The following AOPEP variants were observed in gnomAD, a reference collection of about 807,000 sequenced individuals.
AOPEP encodes the protein aminopeptidase O (putative).
A neutral mutation model predicts 98.1 loss-of-function variants in AOPEP; 77 were observed. The ratio of observed to expected loss-of-function variants is 0.78; its 90% confidence interval spans 0.65 to 0.95. The LOEUF (loss-of-function observed/expected upper bound fraction) is 0.95. AOPEP is among the 40% of genes least tolerant of loss of function. The pLI is 0.00. For missense variants in AOPEP, 1,024 were observed against 1,024.7 expected, an observed-to-expected ratio of 1.00 and a Z score of 0.01; for synonymous variants, 346 against 365.3, an observed-to-expected ratio of 0.95 and a Z score of 0.60.
intron 14 of AOPEP, among the ~76,000 whole-genome samples, chr9:95,063,142 G>A (rs542478544): frequency 1.2e-4 from 18 of 152,194 alleles, no homozygotes; most frequent in Non-Finnish European, 2.2e-4. Flanking sequence ...AGGGAAATCC[G>A]TTCCACAGAA....
intron 5 of AOPEP, among the ~76,000 whole-genome samples, chr9:94,804,170 T>C (rs1248237881): frequency 6.6e-6 from 1 of 152,204 alleles, no homozygotes; most frequent in Non-Finnish European, 1.5e-5. Flanking sequence ...CTCTCTGTTA[T>C]AACAGCAGTA....
chr9:95,085,376 A>C, intron 16 of AOPEP: 1 of 498,134 alleles, frequency 2.0e-6, no homozygotes. Flanking sequence ...TCTTCTTTGG[A>C]AACAAAAGAA....
chr9:95,148,029 A>G, the AOPEP span, among the ~76,000 whole-genome samples: 4 of 152,340 alleles, frequency 2.6e-5, no homozygotes, highest in East Asian at 7.7e-4. Context: ...CTGATAGCGC[A>G]AAAGCAACAG....
chr9:94,744,124 G>A (rs1385275869), intron 1 of AOPEP, among the ~76,000 whole-genome samples: 2 of 148,706 alleles, frequency 1.3e-5, no homozygotes, highest in Non-Finnish European at 2.9e-5. Flanking sequence ...GCTGTGCGCG[G>A]TGGCTTATGC....
At chr9:95,009,074 T>C (rs2062274205) in intron 13 of AOPEP, among the ~76,000 whole-genome samples, 2 of 152,220 alleles carry the variant, frequency 1.3e-5, no homozygotes, top group Admixed American at 1.3e-4. Context: ...GAAGAACAAT[T>C]AGGATGATTG....
At chr9:95,024,119 C>T (rs1181205941) in intron 13 of AOPEP, among the ~76,000 whole-genome samples, 2 of 152,104 alleles carry the variant, frequency 1.3e-5, no homozygotes, top group Non-Finnish European at 2.9e-5. Flanking sequence ...GGTTTTATGT[C>T]GGATAATTTT....
intron 11 of AOPEP, among the ~76,000 whole-genome samples, chr9:94,984,555 A>T (rs1225796574): frequency 6.6e-6 from 1 of 152,186 alleles, no homozygotes; most frequent in Admixed American, 6.6e-5. Flanking sequence ...ATGGAGGTAA[A>T]TATTTCATCA....
intron 5 of AOPEP, among the ~76,000 whole-genome samples, chr9:94,908,516 T>C (rs1419948472): frequency 6.6e-6 from 1 of 152,206 alleles, no homozygotes; most frequent in African/African-American, 2.4e-5. Flanking sequence ...ATTTGTGGGA[T>C]GTTTGCTGCG....
At chr9:94,744,516 C>A (rs914636669) in intron 1 of AOPEP, among the ~76,000 whole-genome samples, 8 of 151,846 alleles carry the variant, frequency 5.3e-5, no homozygotes, top group Admixed American at 5.2e-4. Flanking sequence ...GCCTGACCAA[C>A]ATGGAGAAAC....
At chr9:95,048,823 C>G (rs778239093) in intron 13 of AOPEP, 1 of 152,180 alleles carries the variant, frequency 6.6e-6, no homozygotes. Context: ...ATTTACCAGG[C>G]CTTCAAATCA....
At chr9:94,846,490 C>T (rs1047433940) in intron 5 of AOPEP, among the ~76,000 whole-genome samples, 3 of 152,080 alleles carry the variant, frequency 2.0e-5, no homozygotes, top group African/African-American at 7.2e-5. Flanking sequence ...TTCAGGGAGT[C>T]CTACTGTAAA....
intron 14 of AOPEP, among the ~76,000 whole-genome samples, chr9:95,068,939 C>T (rs2068196609): frequency 6.6e-6 from 1 of 152,094 alleles, no homozygotes; most frequent in Non-Finnish European, 1.5e-5. Flanking sequence ...TTTTAGGCCT[C>T]AGTGTGCGTG....
intron 7 of AOPEP, chr9:94,931,938 C>A: frequency 8.9e-7 from 1 of 1,126,756 alleles, no homozygotes; most frequent in Non-Finnish European, 1.2e-6. Flanking sequence ...TAGCCCAAGG[C>A]TCAGAAAGAC....
At chr9:95,101,254 T>A in the AOPEP span, 1 of 293,802 alleles carries the variant, frequency 3.4e-6, no homozygotes, top group Middle Eastern at 1.0e-3. Flanking sequence ...TGTGGCTTTA[T>A]CCCAGATCCC....
At chr9:94,903,044 G>C (rs2050631585) in intron 5 of AOPEP, among the ~76,000 whole-genome samples, 1 of 150,194 alleles carries the variant, frequency 6.7e-6, no homozygotes. Context: ...GCAGTGGCCC[G>C]ATCTTGGCTC....
chr9:95,138,182 C>G, the AOPEP span, among the ~76,000 whole-genome samples: 4 of 152,252 alleles, frequency 2.6e-5, no homozygotes, highest in Middle Eastern at 3.2e-3. Flanking sequence ...AGGACCAGGA[C>G]TCGCAGCTGG....
Position 94,782,189 on chromosome 9 carries a change from C to CA in AOPEP, c.964+9031dup, listed in dbSNP as rs1350000248. On this transcript the variant is annotated intron_variant, in intron 3 of 16. Transcript: ENST00000375315. The stretch of plus-strand genomic sequence containing the variant: ...TGGGCGACAGAGTGAGACTCCGTCT[C>CA]AAAAAAAAAAGAAACAAAAAAAGAA... 7.3e-4 allele frequency among the ~76,000 whole-genome samples: 103 copies of CA among 141,398 alleles called. 1 individual carries two copies. Among genetic ancestry groups the CA allele is most frequent in the East Asian group, 2.3e-3 (11 of 4,718 alleles). 92.8% of individuals were successfully genotyped at this position (141,398 alleles called of 152,430 possible).
chr9:94,782,611 GAAATGGT>G (rs1175346700), intron 3 of AOPEP, among the ~76,000 whole-genome samples: 3 of 152,172 alleles, frequency 2.0e-5, no homozygotes, highest in African/African-American at 7.2e-5. Context: ...TACGTATGAG[GAAATGGT>G]AAATTAAGAG....
At chr9:94,941,859 T>C (rs2057046993) in intron 7 of AOPEP, among the ~76,000 whole-genome samples, 1 of 152,164 alleles carries the variant, frequency 6.6e-6, no homozygotes, top group Non-Finnish European at 1.5e-5. Context: ...AAGCAAGACA[T>C]TTCATAATCA....
Sources: gnomAD v4.1 joint callset for allele counts (sites outside exome capture counted in the v4.1 genomes callset) on GRCh38, gnomAD v4.1.1 for gene constraint, MANE v1.5 for transcripts, NCBI Gene and HGNC (gene_info 2026-07-23, HGNC 2026-07-21) for gene names.